The following CHSY3 variants were observed in gnomAD, a reference collection of about 807,000 sequenced individuals.
The protein encoded by CHSY3 is chondroitin sulfate synthase 3.
Under a neutral mutation model 67.2 loss-of-function variants are expected in CHSY3, and 35 were observed. That is an observed-to-expected ratio of 0.52 (90% CI 0.40 to 0.69). The LOEUF (loss-of-function observed/expected upper bound fraction) is 0.69, where lower values mean the gene tolerates loss of function less well. CHSY3 is among the 30% of genes least tolerant of loss of function. The probability of loss-of-function intolerance (pLI) is 0.00; values close to 1 mark genes in which losing one functional copy is unlikely to be tolerated. For synonymous variants in CHSY3, 474 were observed against 434.7 expected (o/e 1.09, Z -1.12); for missense variants, 1,069 against 1,138.5 (o/e 0.94, Z 0.88).
intron 2 of CHSY3, among the ~76,000 whole-genome samples, chr5:129,992,912 T>C (rs1763411604): frequency 6.6e-6 from 1 of 152,206 alleles, no homozygotes; most frequent in Non-Finnish European, 1.5e-5. Flanking sequence ...CACATATCTA[T>C]TATTATCGTT....
rs552155851 is a variant in CHSY3 at position 129,952,275 on chromosome 5, T to A, written c.1086+43915T>A. The stretch of plus-strand genomic sequence containing the variant: ...GTTTGGATAAGAGTGGTAAGCAGTA[T>A]CAAGTTGGAAGAGCAATTGAAACCA... On this transcript the variant is annotated intron_variant, in intron 2 of 2. Coordinates refer to ENST00000305031, the MANE Select transcript of CHSY3 (RefSeq NM_175856.5). 7.9e-5 allele frequency among the ~76,000 whole-genome samples: 12 copies of A among 152,302 alleles called. No homozygotes were observed. In the South Asian group the frequency reaches 8.3e-4, roughly 11 times the overall value.
intron 2 of CHSY3, among the ~76,000 whole-genome samples, chr5:129,930,562 A>G (rs77283014): frequency 0.013 from 1,999 of 150,498 alleles, 50 homozygotes; most frequent in African/African-American, 0.046. Flanking sequence ...CTTTCCAAGC[A>G]TAGAGAAGGA....
At chr5:130,140,580 A>T in intron 2 of CHSY3, 1 of 500,192 alleles carries the variant, frequency 2.0e-6, no homozygotes, top group Non-Finnish European at 3.5e-6. Flanking sequence ...ATAGACAAAA[A>T]GGTTGGAGCT....
At chr5:130,152,428 A>C (rs1769257232) in intron 2 of CHSY3, among the ~76,000 whole-genome samples, 1 of 152,114 alleles carries the variant, frequency 6.6e-6, no homozygotes, top group Admixed American at 6.5e-5. Flanking sequence ...TCCTCTACTA[A>C]CTTTCATCAT....
intron 2 of CHSY3, among the ~76,000 whole-genome samples, chr5:130,005,432 A>C (rs1322359372): frequency 4.2e-5 from 1 of 23,536 alleles, no homozygotes; most frequent in Non-Finnish European, 9.1e-5. Context: ...CGAAACAACA[A>C]AAAAAAAAAC....
intron 2 of CHSY3, among the ~76,000 whole-genome samples, chr5:129,959,970 C>A (rs1376626132): frequency 6.6e-6 from 1 of 152,040 alleles, no homozygotes; most frequent in East Asian, 1.9e-4. Flanking sequence ...TATTTTCAGA[C>A]AAACCTTAGA....
At chr5:130,118,070 A>C (rs73244863) in intron 2 of CHSY3, among the ~76,000 whole-genome samples, 8,196 of 152,146 alleles carry the variant, frequency 0.054, 626 homozygotes, top group African/African-American at 0.15. Flanking sequence ...TTTTCAGGTG[A>C]CATGCCTGCT....
intron 2 of CHSY3, among the ~76,000 whole-genome samples, chr5:129,957,057 G>A (rs1001471319): frequency 6.6e-6 from 1 of 152,074 alleles, no homozygotes; most frequent in Non-Finnish European, 1.5e-5. Context: ...GTTTTGTGCA[G>A]TATGACTATT....
intron 2 of CHSY3, among the ~76,000 whole-genome samples, chr5:130,023,799 G>A (rs563449358): frequency 1.3e-5 from 2 of 151,958 alleles, no homozygotes; most frequent in South Asian, 4.2e-4. Context: ...TATTAATAAA[G>A]TGTACAGAGA....
intron 2 of CHSY3, among the ~76,000 whole-genome samples, chr5:130,035,742 T>C (rs1764842887): frequency 1.3e-5 from 2 of 152,156 alleles, no homozygotes; most frequent in Admixed American, 1.3e-4. Flanking sequence ...CTAATTTCTT[T>C]CCTTTTTCAA....
At chr5:130,047,809 T>C (rs1765199730) in intron 2 of CHSY3, among the ~76,000 whole-genome samples, 1 of 151,538 alleles carries the variant, frequency 6.6e-6, no homozygotes, top group Non-Finnish European at 1.5e-5. Flanking sequence ...CATTGCATTA[T>C]GTATATGCGA....
At chr5:130,146,779 T>TTTTTG (rs536430526) in intron 2 of CHSY3, among the ~76,000 whole-genome samples, 21 of 151,932 alleles carry the variant, frequency 1.4e-4, no homozygotes, top group East Asian at 1.9e-4. Context: ...TTTCATTTGT[T>TTTTTG]TTTTGTTTTG....
chr5:130,022,039 A>T (rs968592995), intron 2 of CHSY3, among the ~76,000 whole-genome samples: 1 of 152,084 alleles, frequency 6.6e-6, no homozygotes, highest in East Asian at 1.9e-4. Flanking sequence ...CTGGGAAGGT[A>T]GATTAAATTT....
At chr5:129,965,810 A>T (rs1327096114) in intron 2 of CHSY3, among the ~76,000 whole-genome samples, 1 of 151,974 alleles carries the variant, frequency 6.6e-6, no homozygotes, top group African/African-American at 2.4e-5. Flanking sequence ...TTTATTTTAT[A>T]TTACAGAATA....
intron 2 of CHSY3, among the ~76,000 whole-genome samples, chr5:130,033,486 T>C (rs1764759186): frequency 6.6e-6 from 1 of 152,190 alleles, no homozygotes; most frequent in African/African-American, 2.4e-5. Flanking sequence ...GAAACTGTCT[T>C]GTGATAAATG....
intron 2 of CHSY3, among the ~76,000 whole-genome samples, chr5:130,024,708 GA>G (rs943769594): frequency 3.6e-4 from 54 of 152,034 alleles, no homozygotes; most frequent in Admixed American, 2.2e-3. Context: ...TGAATAGCAT[GA>G]AAAAAAATTG....
At position 129,946,988 on chromosome 5, in the gene CHSY3, G is replaced by A. The variant is rs76499181; in HGVS notation, c.1086+38628G>A. Among the ~76,000 whole-genome samples the A allele has an allele frequency of 6.0e-3, 917 of 152,154 alleles. 7 individuals are homozygous for A. Among genetic ancestry groups the A allele is most frequent in the African/African-American group, 0.021 (883 of 41,528 alleles). Reference sequence around the variant, plus strand: ...GGTAGTTGTATTTTTAATTTTATGAGGAACCTCCTATATTAGTCCGTTCTC... The same window carrying A: ...GGTAGTTGTATTTTTAATTTTATGAAGAACCTCCTATATTAGTCCGTTCTC... On this transcript the variant is annotated intron_variant, in intron 2 of 2. Transcript: ENST00000305031.
At chr5:129,956,813 A>G (rs553284615) in intron 2 of CHSY3, among the ~76,000 whole-genome samples, 3 of 151,228 alleles carry the variant, frequency 2.0e-5, no homozygotes, top group African/African-American at 4.9e-5. Context: ...ATTCTGTTTC[A>G]TTGGTCTATG....
chr5:130,165,569 G>C (rs1456124812), intron 2 of CHSY3, among the ~76,000 whole-genome samples: 1 of 151,756 alleles, frequency 6.6e-6, no homozygotes, highest in Admixed American at 6.6e-5. Flanking sequence ...TCCATGTTTA[G>C]AAAAGGTAAA....
Sources: gnomAD v4.1 joint callset for allele counts (sites outside exome capture counted in the v4.1 genomes callset) on GRCh38, gnomAD v4.1.1 for gene constraint, MANE v1.5 for transcripts, NCBI Gene and HGNC (gene_info 2026-07-23, HGNC 2026-07-21) for gene names.